The following CMIP variants were observed in gnomAD, a reference collection of about 807,000 sequenced individuals.
CMIP encodes C-Maf-inducing protein.
A neutral mutation model predicts 97.3 loss-of-function variants in CMIP; 13 were observed. The observed-to-expected ratio is 0.13, with a 90% CI of 0.09 to 0.21. The LOEUF (loss-of-function observed/expected upper bound fraction) is 0.21, where lower values mean the gene tolerates loss of function less well. CMIP is among the 10% of genes least tolerant of loss of function. The probability of loss-of-function intolerance (pLI) is 1.00; values close to 1 mark genes in which losing one functional copy is unlikely to be tolerated. For missense variants in CMIP, 847 were observed against 1,024.9 expected, an observed-to-expected ratio of 0.83 and a Z score of 2.37; for synonymous variants, 538 against 436.3, an observed-to-expected ratio of 1.23 and a Z score of -2.91.
intron 5 of CMIP, among the ~76,000 whole-genome samples, chr16:81,658,250 A>G (rs1292848946): frequency 1.3e-5 from 2 of 152,192 alleles, no homozygotes; most frequent in Non-Finnish European, 2.9e-5. Context: ...GTGAGATGCT[A>G]TTTTCTGGGA....
At chr16:81,623,526 C>T (rs545630263) in intron 3 of CMIP, among the ~76,000 whole-genome samples, 3 of 152,210 alleles carry the variant, frequency 2.0e-5, no homozygotes, top group Admixed American at 6.5e-5. Flanking sequence ...CAGTGTTTCT[C>T]CTTGGACAAT....
intron 1 of CMIP, among the ~76,000 whole-genome samples, chr16:81,540,484 G>C (rs988644760): frequency 3.3e-5 from 5 of 151,706 alleles, no homozygotes; most frequent in African/African-American, 1.2e-4. Context: ...TGTATTTTTT[G>C]TAGAGATGGG....
At chr16:81,573,318 T>C (rs2150892558) in intron 1 of CMIP, among the ~76,000 whole-genome samples, 1 of 150,642 alleles carries the variant, frequency 6.6e-6, no homozygotes, top group Admixed American at 6.6e-5. Context: ...CACTCCAGCC[T>C]GGACAACAGA....
intron 1 of CMIP, among the ~76,000 whole-genome samples, chr16:81,530,712 G>T (rs201896231): frequency 6.6e-6 from 1 of 152,252 alleles, no homozygotes; most frequent in South Asian, 2.1e-4. Flanking sequence ...GTGTCACCGG[G>T]TAGTGGAAAT....
chr16:81,684,876 C>T (rs961601724), intron 10 of CMIP, among the ~76,000 whole-genome samples: 1 of 152,212 alleles, frequency 6.6e-6, no homozygotes, highest in Non-Finnish European at 1.5e-5. Context: ...TGCCTGTCCT[C>T]CCACCCCAGG....
intron 11 of CMIP, among the ~76,000 whole-genome samples, chr16:81,692,433 A>G (rs975835014): frequency 5.3e-5 from 8 of 152,186 alleles, no homozygotes; most frequent in African/African-American, 1.9e-4. Flanking sequence ...AATGGCCTGA[A>G]GAGAAGGCTT....
rs766288731 is a variant in CMIP at position 81,614,072 on chromosome 16, G to A, written c.426+6380G>A. Among the ~76,000 whole-genome samples, 9 of 152,196 alleles carry A rather than the reference G, an allele frequency of 5.9e-5. No homozygotes were observed. The highest frequency in any genetic ancestry group is 9.7e-5 in the African/African-American group (4 of 41,442). ...GAGGCATTCTGGCCTGGTTTGGTTG[G>A]GGATGGGGAGGGGAAGGCACCATCA... On this transcript the variant is annotated intron_variant, in intron 2 of 20. Transcript: ENST00000537098. The surrounding 1 kb of genome is among the most constrained non-coding windows in gnomAD (Gnocchi z 5.3).
At chr16:81,560,228 T>TTTTG (rs2090853434) in intron 1 of CMIP, among the ~76,000 whole-genome samples, 5 of 83,108 alleles carry the variant, frequency 6.0e-5, no homozygotes, top group East Asian at 2.7e-4. Context: ...GTTTTGTTTT[T>TTTTG]TTTTTTTTGA....
At chr16:81,589,876 C>T (rs16955606) in intron 1 of CMIP, among the ~76,000 whole-genome samples, 4,377 of 152,270 alleles carry the variant, frequency 0.029, 202 homozygotes, top group African/African-American at 0.099. Flanking sequence ...ATAAGTAAAA[C>T]GACAAAGTGT....
At chr16:81,700,258 C>T (rs1329097854) in intron 15 of CMIP, among the ~76,000 whole-genome samples, 1 of 152,022 alleles carries the variant, frequency 6.6e-6, no homozygotes, top group Non-Finnish European at 1.5e-5. Context: ...TGGGGCTCCC[C>T]AGCCGCACCC....
intron 3 of CMIP, among the ~76,000 whole-genome samples, chr16:81,626,301 CTA>C (rs1317575867): frequency 4.0e-5 from 6 of 151,412 alleles, no homozygotes; most frequent in African/African-American, 7.3e-5. Context: ...TGTGGGGTGA[CTA>C]TTTTATGAGT....
rs1160706933 is a variant in CMIP at position 81,652,271 on chromosome 16, C to T, written c.546C>T (p.Ile182=). The change falls in exon 4 of 21, where the codon ATC becomes ATT. Residue 182 remains isoleucine (I), a synonymous_variant. Coordinates refer to ENST00000537098, the MANE Select transcript of CMIP (RefSeq NM_198390.3). The surrounding 1 kb of genome is among the most constrained non-coding windows in gnomAD (Gnocchi z 5.2). ...GCTGGGAAGTTGTCTTGAAAGAGAT[C>T]CGGACCCTGGTGGACATGGCCCTGA... is the stretch of plus-strand genomic sequence containing the variant. ...PSRWEVVLKE[I]RTLVDMALTS... The T allele has an allele frequency of 6.2e-7, 1 of 1,613,538 alleles. No homozygotes were observed. Among genetic ancestry groups the T allele is most frequent in the East Asian group, 2.2e-5 (1 of 44,886 alleles).
chr16:81,528,168 T>C (rs1035873043), intron 1 of CMIP, among the ~76,000 whole-genome samples: 1 of 152,228 alleles, frequency 6.6e-6, no homozygotes, highest in Non-Finnish European at 1.5e-5. Context: ...AAATTTTTCA[T>C]AATAAAATGT....
intron 1 of CMIP, among the ~76,000 whole-genome samples, chr16:81,603,947 C>G (rs2091699423): frequency 6.6e-6 from 1 of 152,210 alleles, no homozygotes; most frequent in South Asian, 2.1e-4. Context: ...AAATTCTCAT[C>G]TTAACCAGTA....
chr16:81,471,775 A>G (rs1319131475), intron 1 of CMIP, among the ~76,000 whole-genome samples: 2 of 152,210 alleles, frequency 1.3e-5, no homozygotes, highest in African/African-American at 4.8e-5. Context: ...CCATGATACC[A>G]TGGCAGTGGA....
intron 3 of CMIP, among the ~76,000 whole-genome samples, chr16:81,647,912 TC>T (rs2092382345): frequency 2.8e-4 from 8 of 29,010 alleles, no homozygotes; most frequent in African/African-American, 9.9e-4. Context: ...TAGCCCACCC[TC>T]CCCCCGCACC....
intron 1 of CMIP, chr16:81,476,566 C>A (rs1597460907): frequency 3.6e-6 from 2 of 556,290 alleles, no homozygotes; most frequent in Admixed American, 4.9e-5. Context: ...TGCAGAGTGG[C>A]CATGTTTCCT....
intron 3 of CMIP, chr16:81,645,744 G>A: frequency 1.2e-6 from 1 of 858,370 alleles, no homozygotes; most frequent in Admixed American, 2.0e-5. Context: ...GAGCCCTCCT[G>A]AGTTCTACCT....
chr16:81,458,108 G>A (rs1906673703), intron 1 of CMIP, among the ~76,000 whole-genome samples: 1 of 152,214 alleles, frequency 6.6e-6, no homozygotes, highest in Admixed American at 6.5e-5. Flanking sequence ...TGCTTCTTGT[G>A]CCCTGTCTGA....
Sources: gnomAD v4.1 joint callset for allele counts (sites outside exome capture counted in the v4.1 genomes callset) on GRCh38, gnomAD v4.1.1 for gene constraint, Gnocchi (gnomAD v3.1) non-coding constraint, MANE v1.5 for transcripts, NCBI Gene and HGNC (gene_info 2026-07-23, HGNC 2026-07-21) for gene names.